AGRN: variants seen among roughly 807,000 people sequenced by gnomAD.
The protein encoded by AGRN is agrin.
AGRN carries 106 observed loss-of-function variants against 211.0 expected under a neutral mutation model. That is an observed-to-expected ratio of 0.50 (90% confidence interval 0.43 to 0.59). The LOEUF (loss-of-function observed/expected upper bound fraction) is 0.59. AGRN is among the 20% of genes least tolerant of loss of function. The pLI is 0.00. For missense variants in AGRN, 3,040 were observed against 2,982.6 expected, an observed-to-expected ratio of 1.02 and a Z score of -0.45; for synonymous variants, 1,525 against 1,332.5, an observed-to-expected ratio of 1.14 and a Z score of -3.15.
chr1:1,055,122 A>T lies in AGRN; in HGVS notation c.*141A>T. The T allele has an allele frequency of 7.3e-7, 1 of 1,363,366 alleles. No homozygotes were observed. Among genetic ancestry groups the T allele is most frequent in the Non-Finnish European group, 1.0e-6 (1 of 995,718 alleles). The allele number at this position is 1,363,366 out of a possible 1,614,324, so 84.5% of individuals were successfully genotyped here. On this transcript the variant is annotated 3_prime_UTR_variant, in exon 36 of 36. Coordinates refer to ENST00000379370, the MANE Select transcript of AGRN (RefSeq NM_198576.4). ...CCTTCCGTCCAGGCAGCCGTGCTGC[A>T]GACAGACCTAGTGCCGAGGGATGGA...
rs1288346623 is a variant in AGRN at position 1,052,332 on chromosome 1, G to A, written c.5651+517G>A. On this transcript the variant is annotated intron_variant, in intron 33 of 35. Coordinates refer to ENST00000379370, the MANE Select transcript of AGRN (RefSeq NM_198576.4). ...TGCAGCTGTGTCTGTGCGTGTCTATGTATATGGAGTGGATGTGCAAGTGTG... is the reference window on the plus strand; with the variant it reads ...TGCAGCTGTGTCTGTGCGTGTCTATATATATGGAGTGGATGTGCAAGTGTG... 2.6e-5 allele frequency: 9 copies of A among 348,120 alleles called. No homozygotes were observed. The East Asian group carries it at 6.1e-4, about 24-fold the overall frequency. The allele number at this position is 348,120 out of a possible 1,614,324, so 21.6% of individuals were successfully genotyped here. A position where few individuals can be genotyped will look rare whatever the true frequency, so the allele number is the denominator to read the frequency against.
In AGRN at chr1:1,035,835, C is replaced by A. The variant is rs942692276; in HGVS notation, c.511+511C>A. On this transcript the variant is annotated intron_variant, in intron 3 of 35. Coordinates refer to ENST00000379370, the MANE Select transcript of AGRN (RefSeq NM_198576.4). ...CTGTCCCTGGGACTCTGCAGGCTGTCATGGGGGGACACAAGTGATGGAGGG... is the reference window on the plus strand; with the variant it reads ...CTGTCCCTGGGACTCTGCAGGCTGTAATGGGGGGACACAAGTGATGGAGGG... Among the ~76,000 whole-genome samples, 4 of 150,228 alleles carry A rather than the reference C, an allele frequency of 2.7e-5. No homozygotes were observed. In the East Asian group the frequency reaches 7.8e-4, roughly 29 times the overall value.
Position 1,046,963 on chromosome 1 carries a change from T to C in AGRN, c.3388+6T>C. 6.4e-7 allele frequency: 1 copy of C among 1,574,050 alleles called. No individual in the cohort carries two copies. The highest frequency in any genetic ancestry group is 8.6e-7 in the Non-Finnish European group (1 of 1,160,794). On this transcript the variant is annotated splice_donor_region_variant and intron_variant, in intron 19 of 35. Coordinates refer to ENST00000379370, the MANE Select transcript of AGRN (RefSeq NM_198576.4). The stretch of plus-strand genomic sequence containing the variant: ...AGAGGGCTCCAACTGCCCCGGTGAG[T>C]GGACGGCTGGGCGAGGGGAGTGTGA...
chr1:1,051,623 C>T lies in AGRN; in HGVS notation c.5541C>T (p.Phe1847=), dbSNP rs1347065689. ...ATGTGTGCCTGTGTCCCGGGGGATTCTCAGGACCGCACTGCGAGAAGGGTG... is the reference window on the plus strand; with the variant it reads ...ATGTGTGCCTGTGTCCCGGGGGATTTTCAGGACCGCACTGCGAGAAGGGTG... ...AAYVCLCPGG[F]SGPHCEKGLV... The change falls in exon 32 of 36, where the codon TTC becomes TTT. Residue 1847 remains phenylalanine (F), a synonymous_variant. Coordinates refer to ENST00000379370, the MANE Select transcript of AGRN (RefSeq NM_198576.4). 4 of 1,610,592 alleles carry T rather than the reference C, an allele frequency of 2.5e-6. No homozygotes were observed. The highest frequency in any genetic ancestry group is 3.3e-4 in the Middle Eastern group (2 of 6,078).
Position 1,046,731 on chromosome 1 carries a change from T to G in AGRN, c.3246T>G (p.Ser1082=). The G allele has an allele frequency of 3.2e-6, 5 of 1,579,270 alleles. No individual in the cohort carries two copies. Among genetic ancestry groups the G allele is most frequent in the South Asian group, 1.1e-5 (1 of 88,562 alleles). The part of the protein sequence containing the change: ...SGDQEASGGG[S]GGLEPLEGSS... ...ACCAGGAGGCCAGTGGGGGTGGCTCTGGGGGTGAGCAGGGATCAAGGACTT... is the reference window on the plus strand; with the variant it reads ...ACCAGGAGGCCAGTGGGGGTGGCTCGGGGGGTGAGCAGGGATCAAGGACTT... Residue 1082 remains serine, a synonymous_variant, in exon 18 of 36, where the codon TCT becomes TCG. Transcript: ENST00000379370.
rs768310078 is a variant in AGRN at position 1,048,048 on chromosome 1, G to C, written c.3788G>C (p.Gly1263Ala). ...GCGTTTATCACGGGGGCCACGTCAG[G>C]AGCCATTGCTGCGGGAGCCACGGCC... ...FPAFITGATS[G>A]AIAAGATARA... The change falls in exon 23 of 36, where the codon GGA (glycine) becomes GCA (alanine). Residue 1263 changes from glycine (G) to alanine (A), a missense_variant. By Grantham distance (60) the Gly-to-Ala change is moderately conservative (BLOSUM62 0). Transcript: ENST00000379370. The surrounding 1 kb of genome is among the most constrained non-coding windows in gnomAD (Gnocchi z 5.9). 6.3e-7 allele frequency: 1 copy of C among 1,586,508 alleles called. No homozygotes were observed.
chr1:1,047,192 C>A, intron 19 of AGRN, 135 bp from the exon 20 acceptor site: 1 of 1,436,400 alleles, frequency 7.0e-7, no homozygotes, highest in South Asian at 1.4e-5. Flanking sequence ...CCCTGGGGTC[C>A]CCACTAACCT....
chr1:1,045,245 C>G lies in AGRN; in HGVS notation c.2339C>G (p.Ala780Gly). 1 of 1,611,868 alleles carries G rather than the reference C, an allele frequency of 6.2e-7. No homozygotes were observed. ...PYGCCQDNIT[A>G]ARGVGLAGCP... ...GGCTGCTGCCAGGACAATATCACCG[C>G]AGCCCGGGGCGTGGGCCTGGCTGGC... is the stretch of plus-strand genomic sequence containing the variant. Residue 780 changes from alanine to glycine, a missense_variant, in exon 13 of 36, where the codon GCA (alanine) becomes GGA (glycine). Physicochemically the swap from Ala to Gly is moderately conservative, Grantham distance 60. Around this residue, in one of 3 missense-constraint regions of AGRN, gnomAD observed 1,498 missense variants for 1,457.8 expected, o/e 1.03. Coordinates refer to ENST00000379370, the MANE Select transcript of AGRN (RefSeq NM_198576.4).
rs752637758 is a variant in AGRN at position 1,035,291 on chromosome 1, C to G, written c.478C>G (p.His160Asp). The G allele has an allele frequency of 6.2e-7, 1 of 1,613,108 alleles. No individual in the cohort carries two copies. Among genetic ancestry groups the G allele is most frequent in the Admixed American group, 1.7e-5 (1 of 60,018 alleles). The change falls in exon 3 of 36, where the codon CAC (histidine) becomes GAC (aspartate). Residue 160 changes from histidine to aspartate, a missense_variant. Around this residue, in one of 3 missense-constraint regions of AGRN, gnomAD observed 1,498 missense variants for 1,457.8 expected, o/e 1.03. Coordinates refer to ENST00000379370, the MANE Select transcript of AGRN (RefSeq NM_198576.4). ...EFCVEDKPGT[H>D]FTPVPPTPPD... ...TTTTCTTCCAGATAAACCCGGGACC[C>G]ACTTCACTCCAGTGCCTCCGACGCC...
rs544870363 is a variant in AGRN, at chr1:1,050,854, G to C, written c.5253+17G>C. 1 of 1,541,058 alleles carries C rather than the reference G, an allele frequency of 6.5e-7. No individual in the cohort carries two copies. Among genetic ancestry groups the C allele is most frequent in the African/African-American group, 1.4e-5 (1 of 73,238 alleles). The stretch of plus-strand genomic sequence containing the variant: ...GAGTCCCCGGTGAGTGCTCTGGGCC[G>C]CGAGGGGACTCCCGCTGCTGCCTGC... On this transcript the variant is annotated intron_variant, in intron 30 of 35. Transcript: ENST00000379370.
intron 1 of AGRN, among the ~76,000 whole-genome samples, chr1:1,020,639 C>G (rs1179727797): frequency 1.3e-5 from 2 of 152,178 alleles, no homozygotes; most frequent in African/African-American, 4.8e-5. Context: ...CTGCGGCTGC[C>G]GCGCGCCCTC....
At chr1:1,054,166 C>T (rs982962310) in intron 34 of AGRN, among the ~76,000 whole-genome samples, 189 bp downstream of exon 34, 3 of 152,210 alleles carry the variant, frequency 2.0e-5, no homozygotes, top group Non-Finnish European at 4.4e-5. Context: ...GTTTCCACGT[C>T]TGAAAGGCAT....
At chr1:1,045,052 A>C (rs1645051912) in intron 12 of AGRN, 109 bp from the exon 13 acceptor site, 2 of 1,240,174 alleles carry the variant, frequency 1.6e-6, no homozygotes, top group Non-Finnish European at 2.4e-6. Flanking sequence ...GGGAGCTGGG[A>C]TCGGGACGGC....
intron 3 of AGRN, 143 bp from the exon 4 acceptor site, chr1:1,040,522 G>GCGTGTC (rs964169728): frequency 1.1e-5 from 11 of 992,322 alleles, no homozygotes; most frequent in Admixed American, 6.5e-5. Context: ...GCGCACGCAC[G>GCGTGTC]CGTGTCCGTG....
rs1645381213 is a variant in AGRN, at chr1:1,053,903, G to A, written c.5802G>A (p.Leu1934=). 4.4e-6 allele frequency: 7 copies of A among 1,608,310 alleles called. No individual in the cohort carries two copies. Among genetic ancestry groups the A allele is most frequent in the Non-Finnish European group, 5.9e-6 (7 of 1,178,142 alleles). ...VDGHLQLSYN[L]GSQPVVLRST... ...GGCACCTGCAACTGAGCTACAACCT[G>A]GGCTCCCAGCCCGTGGTGCTGCGTT... The change falls in exon 34 of 36, where the codon CTG becomes CTA. Residue 1934 remains leucine, a synonymous_variant. Transcript: ENST00000379370.
intron 3 of AGRN, among the ~76,000 whole-genome samples, chr1:1,038,534 G>A (rs978639976): frequency 2.0e-5 from 3 of 152,286 alleles, no homozygotes; most frequent in Admixed American, 2.0e-4. Context: ...CTGGACTATG[G>A]AGGGAGCTGC....
intron 2 of AGRN, among the ~76,000 whole-genome samples, chr1:1,025,993 G>A (rs1325478608): frequency 4.6e-5 from 7 of 152,078 alleles, no homozygotes; most frequent in Admixed American, 6.5e-5. Flanking sequence ...CTGGGGGGGG[G>A]CTTTGCTGGC....
rs546593512 is a variant in AGRN at position 1,055,114 on chromosome 1, C to T, written c.*133C>T. The T allele has an allele frequency of 9.9e-6, 14 of 1,411,924 alleles. No individual in the cohort carries two copies. In the South Asian group the frequency reaches 1.3e-4, roughly 13 times the overall value. The allele number at this position is 1,411,924 out of a possible 1,614,324, so 87.5% of individuals were successfully genotyped here. On this transcript the variant is annotated 3_prime_UTR_variant, in exon 36 of 36. Coordinates refer to ENST00000379370, the MANE Select transcript of AGRN (RefSeq NM_198576.4). The stretch of plus-strand genomic sequence containing the variant: ...CCGGCCTCCCTTCCGTCCAGGCAGC[C>T]GTGCTGCAGACAGACCTAGTGCCGA...
chr1:1,045,111 G>A (rs767009095), intron 12 of AGRN, 50 bp from the exon 13 acceptor site: 1 of 1,581,846 alleles, frequency 6.3e-7, no homozygotes, highest in Non-Finnish European at 8.7e-7. Context: ...TGGGTCCAGG[G>A]TGGGTGTCCA....
Sources: gnomAD v4.1 joint callset for allele counts (sites outside exome capture counted in the v4.1 genomes callset) on GRCh38, gnomAD v4.1.1 for gene constraint, gnomAD v4.1.1 regional missense constraint, Gnocchi (gnomAD v3.1) non-coding constraint, MANE v1.5 for transcripts, NCBI Gene and HGNC (gene_info 2026-07-23, HGNC 2026-07-21) for gene names.